Variants in ASMTL observed in about 807,000 individuals in gnomAD.
ASMTL encodes probable bifunctional dTTP/UTP pyrophosphatase/methyltransferase protein.
ASMTL carries 57 observed loss-of-function variants against 60.3 expected under a neutral mutation model. The observed-to-expected ratio is 0.95, with a 90% CI of 0.76 to 1.18. The LOEUF (loss-of-function observed/expected upper bound fraction) is 1.18. ASMTL is among the 50% of genes most tolerant of loss of function. ASMTL has a pLI of 0.00. For synonymous variants in ASMTL, 419 were observed against 373.0 expected, an observed-to-expected ratio of 1.12 and a Z score of -1.42; for missense variants, 981 against 852.6, an observed-to-expected ratio of 1.15 and a Z score of -1.88.
intron 6 of ASMTL, 87 bp downstream of exon 6, chrX:1,432,182 C>G: frequency 8.6e-7 from 1 of 1,158,696 alleles, no homozygotes; most frequent in Non-Finnish European, 1.3e-6. Flanking sequence ...CTCCTTCTTT[C>G]CCAAAGGCTG....
intron 12 of ASMTL, among the ~76,000 whole-genome samples, chrX:1,412,110 C>G (rs1263408383): frequency 4.0e-4 from 61 of 152,214 alleles, no homozygotes; most frequent in African/African-American, 1.5e-3. Context: ...AGCCACCACA[C>G]CTGGCCACAC....
chrX:1,422,081 C>T (rs1340896661), intron 8 of ASMTL, among the ~76,000 whole-genome samples: 1 of 152,168 alleles, frequency 6.6e-6, no homozygotes, highest in Non-Finnish European at 1.5e-5. Flanking sequence ...CAGCAGCCAC[C>T]ACGCCCCAGC....
At chrX:1,450,031 C>G (rs1246697272) in intron 1 of ASMTL, among the ~76,000 whole-genome samples, 1 of 150,912 alleles carries the variant, frequency 6.6e-6, no homozygotes, top group Non-Finnish European at 1.5e-5. Context: ...TCACCAGTAA[C>G]TATCCCCCAT....
At chrX:1,422,512 T>G (rs5948854) in intron 8 of ASMTL, among the ~76,000 whole-genome samples, 1 of 151,718 alleles carries the variant, frequency 6.6e-6, no homozygotes, top group African/African-American at 2.4e-5. Flanking sequence ...GGAACTTCAT[T>G]CTCCACCCAC....
At chrX:1,413,889 C>A (rs1331086252) in intron 11 of ASMTL, 2 of 150,144 alleles carry the variant, frequency 1.3e-5, no homozygotes, top group Non-Finnish European at 3.0e-5. Flanking sequence ...GAAGGATCCT[C>A]CCCTAGAGCC....
chrX:1,438,787 T>C (rs1424156751), intron 3 of ASMTL, among the ~76,000 whole-genome samples: 27 of 152,154 alleles, frequency 1.8e-4, no homozygotes, highest in Admixed American at 5.2e-4. Flanking sequence ...CCACCACGTC[T>C]GGCTAATTTT....
chrX:1,448,144 GCCATCTTGGATAAGCACCA>G (rs1249329364), intron 1 of ASMTL, among the ~76,000 whole-genome samples: 1 of 126,432 alleles, frequency 7.9e-6, no homozygotes, highest in East Asian at 2.5e-4. Context: ...GACACACACC[GCCATCTTGGATAAGCACCA>G]CCATCTTGGA....
intron 11 of ASMTL, among the ~76,000 whole-genome samples, chrX:1,417,470 G>A (rs1300627864): frequency 6.8e-6 from 1 of 147,718 alleles, no homozygotes; most frequent in Non-Finnish European, 1.5e-5. Flanking sequence ...TGCACACACA[G>A]TTACATATGC....
At chrX:1,432,455 T>C in intron 5 of ASMTL, 78 bp from the exon 6 acceptor site, 2 of 1,031,612 alleles carry the variant, frequency 1.9e-6, no homozygotes, top group Non-Finnish European at 3.0e-6. Flanking sequence ...GTGGCTGTGC[T>C]GTGGAGGTGT....
At chrX:1,410,896 T>C (rs1267012951) in intron 12 of ASMTL, among the ~76,000 whole-genome samples, 1 of 148,714 alleles carries the variant, frequency 6.7e-6, no homozygotes, top group African/African-American at 2.5e-5. Flanking sequence ...TCTCAAAAAA[T>C]ATAATAGAGC....
At chrX:1,452,918 A>C, upstream of ASMTL, 3 of 1,203,678 alleles carry the variant, frequency 2.5e-6, no homozygotes, top group Non-Finnish European at 2.2e-6. Context: ...TGCAAAAAAA[A>C]CAGGCGGCCA....
At chrX:1,432,646 G>A (rs1217187443) in intron 5 of ASMTL, among the ~76,000 whole-genome samples, 3 of 151,868 alleles carry the variant, frequency 2.0e-5, no homozygotes, top group Non-Finnish European at 2.9e-5. Context: ...TGGCTAACAC[G>A]GTGAAACCCC....
intron 4 of ASMTL, chrX:1,435,478 C>T: frequency 1.6e-6 from 1 of 632,966 alleles, no homozygotes; most frequent in Admixed American, 2.6e-5. Context: ...GGGCATGAGA[C>T]ATTCTGGGAT....
rs1385773077 is a variant in ASMTL, at chrX:1,405,995, GATGGATGT to G, written c.1646-2514_1646-2507del. On this transcript the variant is annotated intron_variant, in intron 12 of 12. Coordinates refer to ENST00000381317, the MANE Select transcript of ASMTL (RefSeq NM_004192.4). ...ACGTAGATAGATGAATGGATGGATA[GATGGATGT>G]ATGGATGTGATGGATGGGTGAATAG... Among the ~76,000 whole-genome samples, 6 of 151,500 alleles carry G rather than the reference GATGGATGT, an allele frequency of 4.0e-5. No homozygotes were observed. The East Asian group carries it at 5.9e-4, about 15-fold the overall frequency.
rs1188660099 is a variant in ASMTL, at chrX:1,403,792, G to C, written c.1646-303C>G. Among the ~76,000 whole-genome samples, 3 of 152,294 alleles carry C rather than the reference G, an allele frequency of 2.0e-5. No individual in the cohort carries two copies. In the East Asian group the frequency reaches 5.8e-4, roughly 29 times the overall value. ...ATGGTAGATGATGGGTGGGTAGGTA[G>C]GTAGAAAGATGTATGGATAGGTGGA... On this transcript the variant is annotated intron_variant, in intron 12 of 12. Coordinates refer to ENST00000381317, the MANE Select transcript of ASMTL (RefSeq NM_004192.4).
rs1193744803 is a variant in ASMTL, at chrX:1,452,898, G to T, written c.-58C>A. ...TCTGAGCCCGGAGCCCGCGGTGCGC[G>T]CAGCGCGGCTGCAAAAAAAACAGGC... On this transcript the variant is annotated 5_prime_UTR_variant, in exon 1 of 13. Transcript: ENST00000381317. The T allele has an allele frequency of 1.5e-6, 2 of 1,340,418 alleles. No homozygotes were observed. The highest frequency in any genetic ancestry group is 3.1e-5 in the African/African-American group (2 of 64,828). 83.0% of individuals were successfully genotyped at this position (1,340,418 alleles called of 1,614,324 possible).
intron 1 of ASMTL, among the ~76,000 whole-genome samples, chrX:1,443,204 A>C (rs1157599771): frequency 1.3e-5 from 2 of 150,210 alleles, no homozygotes; most frequent in African/African-American, 4.9e-5. Context: ...ACACACTGCC[A>C]TCTGGGACAC....
In ASMTL at chrX:1,417,586, C is replaced by T. The variant is rs754531345; in HGVS notation, c.1522+387G>A. ...CAGTCATATGCACACAGACACCCACCGGCTCACAGCATGCACACAGATGCA... is the reference window on the plus strand; with the variant it reads ...CAGTCATATGCACACAGACACCCACTGGCTCACAGCATGCACACAGATGCA... On this transcript the variant is annotated intron_variant, in intron 11 of 12. Transcript: ENST00000381317. Among the ~76,000 whole-genome samples, 289 of 147,648 alleles carry T rather than the reference C, an allele frequency of 2.0e-3. 4 individuals carry two copies. Among genetic ancestry groups the T allele is most frequent in the African/African-American group, 6.9e-3 (276 of 39,942 alleles).
At chrX:1,431,804 G>A (rs4500242) in intron 6 of ASMTL, 95,370 of 157,074 alleles carry the variant, frequency 0.61, 29,186 homozygotes, top group South Asian at 0.74. Flanking sequence ...ACATATAAAC[G>A]CAAATGGTGG....
Sources: gnomAD v4.1 joint callset for allele counts (sites outside exome capture counted in the v4.1 genomes callset) on GRCh38, gnomAD v4.1.1 for gene constraint, MANE v1.5 for transcripts, NCBI Gene and HGNC (gene_info 2026-07-23, HGNC 2026-07-21) for gene names.